The following IRS1 variants were observed in gnomAD, a reference collection of about 807,000 sequenced individuals.
IRS1 encodes insulin receptor substrate 1.
A neutral mutation model predicts 65.6 loss-of-function variants in IRS1; 34 were observed. The ratio of observed to expected loss-of-function variants is 0.52; its 90% CI spans 0.39 to 0.69. The LOEUF (loss-of-function observed/expected upper bound fraction) is 0.69, where lower values mean the gene tolerates loss of function less well. Among genes scored for constraint, IRS1 ranks in the 30% least tolerant of loss-of-function variants. IRS1 has a pLI of 0.00. For synonymous variants in IRS1, 699 were observed against 683.5 expected (o/e 1.02, Z -0.35); for missense variants, 1,641 against 1,720.2 (o/e 0.95, Z 0.81).
chr2:226,746,487 T>A (rs10207942), intron 1 of IRS1, among the ~76,000 whole-genome samples: 4,012 of 152,142 alleles, frequency 0.026, 167 homozygotes, highest in African/African-American at 0.09. Context: ...TCTCAGAAAG[T>A]TAATCTAAAA....
chr2:226,740,158 G>C (rs921113688), intron 1 of IRS1, among the ~76,000 whole-genome samples: 1 of 152,314 alleles, frequency 6.6e-6, no homozygotes, highest in East Asian at 1.9e-4. Context: ...AATGCATTCT[G>C]TCTGGTTACA....
At position 226,784,836 on chromosome 2, in the gene IRS1, A is replaced by G. The variant is rs550056912; in HGVS notation, c.*21+10153T>C. 7.9e-5 allele frequency among the ~76,000 whole-genome samples: 12 copies of G among 152,370 alleles called. No individual in the cohort carries two copies. In the South Asian group the frequency reaches 2.3e-3, roughly 29 times the overall value. The stretch of plus-strand genomic sequence containing the variant: ...CCACAATTAGCAAGAATAGCAGGGT[A>G]CCAGTCATAAATGTTTTTGACCACT... On this transcript the variant is annotated intron_variant, in intron 1 of 1. Coordinates refer to ENST00000305123, the MANE Select transcript of IRS1 (RefSeq NM_005544.3).
At chr2:226,742,672 G>A (rs935005474) in intron 1 of IRS1, among the ~76,000 whole-genome samples, 3 of 149,050 alleles carry the variant, frequency 2.0e-5, no homozygotes, top group African/African-American at 7.4e-5. Context: ...CAGGGCTGGT[G>A]ACTTCAGGAG....
At chr2:226,751,274 A>ATTTTTTTTTTTT (rs35699614) in intron 1 of IRS1, among the ~76,000 whole-genome samples, 9 of 77,550 alleles carry the variant, frequency 1.2e-4, no homozygotes, top group African/African-American at 3.7e-4. Context: ...CCACACGGGT[A>ATTTTTTTTTTTT]TTTTTTTTTT....
At chr2:226,761,877 T>C (rs970127428) in intron 1 of IRS1, among the ~76,000 whole-genome samples, 1 of 152,204 alleles carries the variant, frequency 6.6e-6, no homozygotes, top group African/African-American at 2.4e-5. Flanking sequence ...GGTTGCCAGG[T>C]GGCATTATGT....
At chr2:226,793,329 G>C (rs1410709507) in intron 1 of IRS1, among the ~76,000 whole-genome samples, 1 of 152,126 alleles carries the variant, frequency 6.6e-6, no homozygotes, top group African/African-American at 2.4e-5. Flanking sequence ...TACCAATGAG[G>C]CACTTTATAA....
intron 1 of IRS1, among the ~76,000 whole-genome samples, chr2:226,789,864 T>C (rs544797253): frequency 2.1e-3 from 314 of 152,320 alleles, no homozygotes; most frequent in African/African-American, 7.3e-3. Flanking sequence ...CAGGAGGGTT[T>C]GTCTTAGGGT....
intron 1 of IRS1, among the ~76,000 whole-genome samples, chr2:226,778,505 T>A (rs1417382090): frequency 6.6e-6 from 1 of 152,132 alleles, no homozygotes; most frequent in Admixed American, 6.5e-5. Context: ...AAGATAGTCT[T>A]TCCTCCCAAA....
intron 1 of IRS1, among the ~76,000 whole-genome samples, chr2:226,769,426 C>T (rs1467448630): frequency 6.6e-6 from 1 of 152,122 alleles, no homozygotes; most frequent in East Asian, 1.9e-4. Context: ...CTTCAGAAAG[C>T]AATTAGATCT....
rs762833254 is a variant in IRS1 at position 226,798,642 on chromosome 2, G to T, written c.97C>A (p.Arg33Ser). The change falls in exon 1 of 2, where the codon CGC (arginine) becomes AGC (serine). Residue 33 changes from arginine (R) to serine (S), a missense_variant. Physicochemically the swap from Arg to Ser is moderately radical, Grantham distance 110. Transcript: ENST00000305123. This position sits in a 1 kb window ranked among gnomAD's most constrained non-coding sequence, Gnocchi z 9.4. ...KSMHKRFFVL[R>S]AASEAGGPAR... Reference sequence around the variant, plus strand: ...GGGCCCCCAGCCTCGCTGGCCGCGCGCAGTACGAAGAAGCGTTTGTGCATG... The same window carrying T: ...GGGCCCCCAGCCTCGCTGGCCGCGCTCAGTACGAAGAAGCGTTTGTGCATG... 4 of 1,613,008 alleles carry T rather than the reference G, an allele frequency of 2.5e-6. No homozygotes were observed. The highest frequency in any genetic ancestry group is 3.4e-6 in the Non-Finnish European group (4 of 1,179,552).
Position 226,799,810 on chromosome 2 carries a change from G to A in IRS1, c.-1072C>T, listed in dbSNP as rs1338655809. ...GACGGAGCCTCCGCGCTCGGCAGCC[G>A]GGCAGCCGCCGCCGGGAGGCTCCCG... is the stretch of plus-strand genomic sequence containing the variant. On this transcript the variant is annotated 5_prime_UTR_variant, in exon 1 of 2. Coordinates refer to ENST00000305123, the MANE Select transcript of IRS1 (RefSeq NM_005544.3). This position sits in a 1 kb window ranked among gnomAD's most constrained non-coding sequence, Gnocchi z 6.1. 6.1e-6 allele frequency: 6 copies of A among 988,120 alleles called. No individual in the cohort carries two copies. Among genetic ancestry groups the A allele is most frequent in the East Asian group, 1.1e-4 (1 of 8,766 alleles). The allele number at this position is 988,120 out of a possible 1,614,324, so 61.2% of individuals were successfully genotyped here.
chr2:226,744,979 C>T (rs528443578), intron 1 of IRS1, among the ~76,000 whole-genome samples: 4 of 152,192 alleles, frequency 2.6e-5, no homozygotes, highest in Admixed American at 6.5e-5. Flanking sequence ...TGAAGAAACA[C>T]TCCCTCTCTG....
At position 226,790,409 on chromosome 2, in the gene IRS1, T is replaced by C. The variant is rs142390601; in HGVS notation, c.*21+4580A>G. On this transcript the variant is annotated intron_variant, in intron 1 of 1. Transcript: ENST00000305123. Reference sequence around the variant, plus strand: ...AGGGCAATGCTGGAGATAGTATTTATTGAGGGGGAACTCAGAGAAATGACT... The same window carrying C: ...AGGGCAATGCTGGAGATAGTATTTACTGAGGGGGAACTCAGAGAAATGACT... 1.2e-3 allele frequency among the ~76,000 whole-genome samples: 184 copies of C among 152,304 alleles called. 2 individuals carry two copies. The South Asian group carries it at 0.02, about 16-fold the overall frequency.
At chr2:226,766,145 ATATATATATATATATATATTT>A (rs1939035461) in intron 1 of IRS1, among the ~76,000 whole-genome samples, 6 of 3,768 alleles carry the variant, frequency 1.6e-3, no homozygotes, top group East Asian at 7.1e-3. Context: ...ATATATATAT[ATATATATATATATATATATTT>A]TTTTTTTTTT....
At chr2:226,770,269 C>T (rs1939138052) in intron 1 of IRS1, among the ~76,000 whole-genome samples, 2 of 152,262 alleles carry the variant, frequency 1.3e-5, no homozygotes, top group Admixed American at 6.5e-5. Context: ...TGGCATCTTG[C>T]CCAATAGAAT....
At position 226,794,643 on chromosome 2, in the gene IRS1, A is replaced by G. The variant is rs1939671583; in HGVS notation, c.*21+346T>C. Among the ~76,000 whole-genome samples the G allele has an allele frequency of 6.6e-6, 1 of 152,242 alleles. No homozygotes were observed. Among genetic ancestry groups the G allele is most frequent in the South Asian group, 2.1e-4 (1 of 4,834 alleles). ...AACTGTCCCTTCCAGGGGCTGACCT[A>G]AATATATAGTGAAAAGAAAACTTCA... On this transcript the variant is annotated intron_variant, in intron 1 of 1. Transcript: ENST00000305123. This position sits in a 1 kb window ranked among gnomAD's most constrained non-coding sequence, Gnocchi z 4.1.
At chr2:226,754,279 AGTGAGG>A (rs1938749771) in intron 1 of IRS1, among the ~76,000 whole-genome samples, 1 of 152,130 alleles carries the variant, frequency 6.6e-6, no homozygotes, top group Non-Finnish European at 1.5e-5. Flanking sequence ...CCATTCCTGG[AGTGAGG>A]GTGGGTTTAT....
chr2:226,755,702 C>T (rs1455223587), intron 1 of IRS1, among the ~76,000 whole-genome samples: 1 of 152,200 alleles, frequency 6.6e-6, no homozygotes, highest in Non-Finnish European at 1.5e-5. Flanking sequence ...ACTTTGTATT[C>T]CTTTCCCTCA....
At chr2:226,764,990 C>T (rs1432880636) in intron 1 of IRS1, among the ~76,000 whole-genome samples, 1 of 152,214 alleles carries the variant, frequency 6.6e-6, no homozygotes, top group Non-Finnish European at 1.5e-5. Flanking sequence ...TCCTCAAAGG[C>T]AAGAAAATCT....
Sources: gnomAD v4.1 joint callset for allele counts (sites outside exome capture counted in the v4.1 genomes callset) on GRCh38, gnomAD v4.1.1 for gene constraint, Gnocchi (gnomAD v3.1) non-coding constraint, MANE v1.5 for transcripts, NCBI Gene and HGNC (gene_info 2026-07-23, HGNC 2026-07-21) for gene names.